The following BAZ2B variants were observed in gnomAD, a reference collection of about 807,000 sequenced individuals.
BAZ2B encodes the protein bromodomain adjacent to zinc finger domain 2B.
Under a neutral mutation model 246.0 loss-of-function variants are expected in BAZ2B, and 91 were observed. The ratio of observed to expected loss-of-function variants is 0.37; its 90% CI spans 0.31 to 0.44. BAZ2B has a LOEUF of 0.44. Ranked by LOEUF, BAZ2B falls within the 20% of genes least tolerant of loss-of-function variation. BAZ2B has a pLI of 1.00. For missense variants in BAZ2B, 2,332 were observed against 2,533.7 expected (o/e 0.92, Z 1.71); for synonymous variants, 855 against 860.0 (o/e 0.99, Z 0.10).
At chr2:159,379,733 T>C (rs1319450450) in intron 25 of BAZ2B, among the ~76,000 whole-genome samples, 2 of 152,228 alleles carry the variant, frequency 1.3e-5, no homozygotes, top group South Asian at 2.1e-4. Context: ...ATCTCTCAGC[T>C]TTCTTTCACA....
At chr2:159,606,086 A>G (rs1241838263) in intron 1 of BAZ2B, among the ~76,000 whole-genome samples, 1 of 152,236 alleles carries the variant, frequency 6.6e-6, no homozygotes, top group Non-Finnish European at 1.5e-5. Flanking sequence ...TGCAGAAAAT[A>G]TTAATGACAA....
At chr2:159,616,887 A>C (rs1452823097), upstream of BAZ2B, 1 of 151,832 alleles carries the variant, frequency 6.6e-6, no homozygotes, top group Admixed American at 6.6e-5. Flanking sequence ...TCTCCACCTA[A>C]ATTTTTTTTG....
intron 2 of BAZ2B, among the ~76,000 whole-genome samples, chr2:159,490,554 T>TC (rs1179403947): frequency 1.3e-5 from 2 of 152,164 alleles, no homozygotes; most frequent in African/African-American, 4.8e-5. Flanking sequence ...TCTCACTCTG[T>TC]CTCCCAGCCT....
At chr2:159,566,657 T>C (rs1208201488) in intron 1 of BAZ2B, among the ~76,000 whole-genome samples, 2 of 152,218 alleles carry the variant, frequency 1.3e-5, no homozygotes, top group African/African-American at 4.8e-5. Context: ...CTATTTGCCA[T>C]TTGTTCTCTT....
chr2:159,477,262 G>A (rs972775120), intron 3 of BAZ2B, among the ~76,000 whole-genome samples: 2 of 151,960 alleles, frequency 1.3e-5, no homozygotes, highest in South Asian at 4.1e-4. Flanking sequence ...CCAAGATTGT[G>A]CCACTGCACT....
chr2:159,504,127 AT>A (rs147674753), intron 2 of BAZ2B, among the ~76,000 whole-genome samples: 39,173 of 149,726 alleles, frequency 0.26, 5,661 homozygotes, highest in African/African-American at 0.4. Flanking sequence ...AGGCCTCTTA[AT>A]TTTTTTTTTG....
At chr2:159,662,841 G>A in the BAZ2B span, among the ~76,000 whole-genome samples, 319 of 151,810 alleles carry the variant, frequency 2.1e-3, no homozygotes, top group African/African-American at 3.1e-3. Flanking sequence ...CCTTACTTTC[G>A]GTTTTTAAAC....
chr2:159,514,642 C>G (rs1577988106), intron 2 of BAZ2B, among the ~76,000 whole-genome samples: 2 of 152,086 alleles, frequency 1.3e-5, no homozygotes, highest in East Asian at 1.9e-4. Flanking sequence ...TTAGTGTTTT[C>G]AGTCTGGCTC....
intron 31 of BAZ2B, among the ~76,000 whole-genome samples, chr2:159,344,830 CAT>C (rs1296994679): frequency 1.3e-5 from 2 of 151,968 alleles, no homozygotes; most frequent in East Asian, 3.9e-4. Flanking sequence ...AAACTGATCT[CAT>C]AGAAGTAAAA....
the BAZ2B span, among the ~76,000 whole-genome samples, chr2:159,653,003 T>C: frequency 1.3e-5 from 2 of 151,154 alleles, no homozygotes; most frequent in African/African-American, 2.4e-5. Flanking sequence ...AGGGGTGCCA[T>C]CTCAACTCAC....
At chr2:159,574,747 AG>A (rs1387711868) in intron 1 of BAZ2B, among the ~76,000 whole-genome samples, 1 of 152,148 alleles carries the variant, frequency 6.6e-6, no homozygotes, top group Non-Finnish European at 1.5e-5. Context: ...GCACTTTGGG[AG>A]GCTGAGGCAG....
intron 1 of BAZ2B, among the ~76,000 whole-genome samples, chr2:159,592,851 T>G (rs1009035460): frequency 4.6e-5 from 7 of 152,156 alleles, no homozygotes; most frequent in African/African-American, 1.7e-4. Flanking sequence ...CTACAGAAAC[T>G]CCAATAACAA....
chr2:159,530,262 A>G (rs999312575), intron 2 of BAZ2B, among the ~76,000 whole-genome samples: 4 of 152,202 alleles, frequency 2.6e-5, no homozygotes, highest in Non-Finnish European at 5.9e-5. Context: ...AAGTGCTTTC[A>G]TAGGTTTTAG....
intron 2 of BAZ2B, among the ~76,000 whole-genome samples, chr2:159,540,538 T>C (rs1268928518): frequency 2.0e-5 from 3 of 152,238 alleles, no homozygotes; most frequent in Admixed American, 6.5e-5. Flanking sequence ...CTAGCAAGTA[T>C]GCACTGAGGA....
chr2:159,609,431 T>C lies in BAZ2B; in HGVS notation c.-46+6811A>G, dbSNP rs368480580. ...AGTATTATACTACTTTTCTACATAT[T>C]AGATGACATTGTTTTAGACTAATTA... is the stretch of plus-strand genomic sequence containing the variant. On this transcript the variant is annotated intron_variant, in intron 1 of 36. Transcript: ENST00000392783. Among the ~76,000 whole-genome samples the C allele has an allele frequency of 9.3e-4, 141 of 152,322 alleles. 5 individuals are homozygous for C. In the South Asian group the frequency reaches 0.028, roughly 30 times the overall value.
At chr2:159,457,591 C>G (rs959762209) in intron 3 of BAZ2B, among the ~76,000 whole-genome samples, 4 of 152,122 alleles carry the variant, frequency 2.6e-5, no homozygotes, top group African/African-American at 9.7e-5. Context: ...TAACACTGGC[C>G]CTTTATTCCT....
At chr2:159,387,902 T>G (rs1021176237) in intron 21 of BAZ2B, among the ~76,000 whole-genome samples, 1 of 152,074 alleles carries the variant, frequency 6.6e-6, no homozygotes, top group Non-Finnish European at 1.5e-5. Flanking sequence ...TGACTACAAC[T>G]AGTAAGTATA....
intron 2 of BAZ2B, among the ~76,000 whole-genome samples, chr2:159,554,701 T>C (rs990349358): frequency 7.9e-5 from 12 of 152,104 alleles, no homozygotes; most frequent in African/African-American, 2.7e-4. Flanking sequence ...ATTAAAACAG[T>C]TGAAGAAGCA....
intron 8 of BAZ2B, chr2:159,434,547 C>T (rs2071826236): frequency 1.3e-5 from 2 of 152,030 alleles, no homozygotes; most frequent in South Asian, 4.1e-4. Flanking sequence ...TGACTTATAC[C>T]TCTAAGGAGA....
Sources: gnomAD v4.1 joint callset for allele counts (sites outside exome capture counted in the v4.1 genomes callset) on GRCh38, gnomAD v4.1.1 for gene constraint, MANE v1.5 for transcripts, NCBI Gene and HGNC (gene_info 2026-07-23, HGNC 2026-07-21) for gene names.